STIM1: variants seen among roughly 807,000 people sequenced by gnomAD.
The protein encoded by STIM1 is stromal interaction molecule 1.
STIM1 carries 25 observed loss-of-function variants against 74.7 expected under a neutral mutation model. The ratio of observed to expected loss-of-function variants is 0.33; its 90% CI spans 0.24 to 0.47. STIM1 has a LOEUF of 0.47. Among genes scored for constraint, STIM1 ranks in the 20% least tolerant of loss-of-function variants. The probability of loss-of-function intolerance (pLI) is 1.00; values close to 1 mark genes in which losing one functional copy is unlikely to be tolerated. For missense variants in STIM1, 728 were observed against 920.8 expected, an observed-to-expected ratio of 0.79 and a Z score of 2.71; for synonymous variants, 328 against 348.8, an observed-to-expected ratio of 0.94 and a Z score of 0.66.
intron 6 of STIM1, among the ~76,000 whole-genome samples, chr11:4,072,438 C>T (rs1363390494): frequency 1.3e-5 from 2 of 152,186 alleles, no homozygotes; most frequent in Admixed American, 1.3e-4. Flanking sequence ...TTGAGGCAGG[C>T]AGGAATTTTG....
At chr11:3,977,505 C>T (rs917207012) in intron 2 of STIM1, among the ~76,000 whole-genome samples, 5 of 152,256 alleles carry the variant, frequency 3.3e-5, no homozygotes, top group Non-Finnish European at 5.9e-5. Flanking sequence ...TCCCTTTCCA[C>T]CTCAGTTTCT....
upstream of STIM1, chr11:3,855,165 TTG>T (rs1009204276): frequency 1.3e-5 from 2 of 152,168 alleles, no homozygotes; most frequent in African/African-American, 4.8e-5. Context: ...TGGCCGGGAG[TTG>T]GGGGCTGGGA....
At chr11:4,054,265 G>C (rs970787904) in intron 3 of STIM1, among the ~76,000 whole-genome samples, 1 of 152,180 alleles carries the variant, frequency 6.6e-6, no homozygotes, top group South Asian at 2.1e-4. Flanking sequence ...TAACTGGCCA[G>C]AGCAACCTGA....
intron 1 of STIM1, among the ~76,000 whole-genome samples, chr11:3,928,897 C>T (rs2092823383): frequency 6.6e-6 from 1 of 152,110 alleles, no homozygotes. Flanking sequence ...GACAGACTCT[C>T]ACTCACTCTG....
At chr11:4,055,930 C>T (rs2094286006) in intron 4 of STIM1, among the ~76,000 whole-genome samples, 1 of 152,178 alleles carries the variant, frequency 6.6e-6, no homozygotes, top group Admixed American at 6.5e-5. Flanking sequence ...TACAGTATCT[C>T]ATTTAATTCT....
chr11:3,920,997 T>C (rs58677531), intron 1 of STIM1, among the ~76,000 whole-genome samples: 3,242 of 152,198 alleles, frequency 0.021, 114 homozygotes, highest in African/African-American at 0.074. Context: ...GGTTTCACCA[T>C]GTTGACCAGG....
chr11:3,937,304 A>ATAG (rs2092945417), intron 1 of STIM1, among the ~76,000 whole-genome samples: 1 of 146,606 alleles, frequency 6.8e-6, no homozygotes, highest in Admixed American at 6.9e-5. Context: ...AATAATAATA[A>ATAG]TAATAATAAT....
intron 7 of STIM1, 37 bp from the exon 8 acceptor site, chr11:4,082,147 T>C (rs1266905319): frequency 6.2e-7 from 1 of 1,610,562 alleles, no homozygotes; most frequent in Admixed American, 1.7e-5. Flanking sequence ...AGAGTCTTAG[T>C]AGCAGTAAAT....
Position 3,976,939 on chromosome 11 carries a change from C to T in STIM1, c.270+9257C>T, listed in dbSNP as rs115952401. Among the ~76,000 whole-genome samples the T allele has an allele frequency of 9.3e-3, 1,411 of 152,190 alleles. 24 individuals are homozygous for T. Among genetic ancestry groups the T allele is most frequent in the African/African-American group, 0.032 (1,331 of 41,514 alleles). ...CCTCCCTAGTAGCTGGAACTACAGG[C>T]GCGTAGTGCCACACCCAGCTAATTT... On this transcript the variant is annotated intron_variant, in intron 2 of 12. Coordinates refer to ENST00000526596, the MANE Select transcript of STIM1 (RefSeq NM_001382567.1).
At chr11:3,996,848 A>G (rs548018534) in intron 2 of STIM1, among the ~76,000 whole-genome samples, 1 of 152,168 alleles carries the variant, frequency 6.6e-6, no homozygotes, top group Non-Finnish European at 1.5e-5. Context: ...TCAATTTTGT[A>G]ACTGTTCTTT....
intron 3 of STIM1, among the ~76,000 whole-genome samples, chr11:4,025,033 AC>A (rs2093987782): frequency 6.6e-6 from 1 of 152,112 alleles, no homozygotes; most frequent in Non-Finnish European, 1.5e-5. Context: ...TATTTGAGGA[AC>A]CTTAGGCCTA....
intron 3 of STIM1, among the ~76,000 whole-genome samples, chr11:4,048,995 A>C (rs2094215958): frequency 6.6e-6 from 1 of 152,208 alleles, no homozygotes; most frequent in African/African-American, 2.4e-5. Context: ...CGGCCTCCCA[A>C]AGTGCTGGGA....
intron 1 of STIM1, among the ~76,000 whole-genome samples, chr11:3,930,557 A>G (rs1269313884): frequency 6.6e-6 from 1 of 152,182 alleles, no homozygotes; most frequent in Non-Finnish European, 1.5e-5. Flanking sequence ...GTGTAGCAGG[A>G]TGGTGCCTAC....
chr11:3,873,089 G>A (rs1352333808), intron 1 of STIM1, among the ~76,000 whole-genome samples: 8 of 151,752 alleles, frequency 5.3e-5, no homozygotes, highest in Non-Finnish European at 7.4e-5. Flanking sequence ...GGGACTATAC[G>A]CAGGTGCCAC....
At chr11:3,880,107 C>G (rs975207155) in intron 1 of STIM1, among the ~76,000 whole-genome samples, 1 of 152,162 alleles carries the variant, frequency 6.6e-6, no homozygotes, top group Non-Finnish European at 1.5e-5. Flanking sequence ...AGTTTGAAAT[C>G]TGGCTTTGCT....
chr11:3,943,014 A>G (rs1425403147), intron 1 of STIM1, among the ~76,000 whole-genome samples: 1 of 152,218 alleles, frequency 6.6e-6, no homozygotes, highest in East Asian at 1.9e-4. Context: ...TATCATTGTT[A>G]AAGCAACCAG....
At chr11:3,991,172 T>TC (rs1176850191) in intron 2 of STIM1, among the ~76,000 whole-genome samples, 3 of 148,168 alleles carry the variant, frequency 2.0e-5, no homozygotes, top group Admixed American at 1.3e-4. Flanking sequence ...TTCCTTTCTT[T>TC]TTTTTTTTTT....
At chr11:4,037,030 T>C (rs780130807) in intron 3 of STIM1, among the ~76,000 whole-genome samples, 4 of 152,046 alleles carry the variant, frequency 2.6e-5, no homozygotes, top group Non-Finnish European at 5.9e-5. Context: ...CTACTTGTTC[T>C]ATCTTTTTCC....
chr11:3,951,983 A>C (rs150140518), intron 1 of STIM1, among the ~76,000 whole-genome samples: 1 of 152,218 alleles, frequency 6.6e-6, no homozygotes, highest in Non-Finnish European at 1.5e-5. Context: ...TGGGACTCCA[A>C]ACCTGGGATA....
Sources: gnomAD v4.1 joint callset for allele counts (sites outside exome capture counted in the v4.1 genomes callset) on GRCh38, gnomAD v4.1.1 for gene constraint, MANE v1.5 for transcripts, NCBI Gene and HGNC (gene_info 2026-07-23, HGNC 2026-07-21) for gene names.